Variants in H2BC11 observed in about 807,000 individuals in gnomAD.
The protein encoded by H2BC11 is H2B clustered histone 11.
Under a neutral mutation model 6.0 loss-of-function variants are expected in H2BC11, and 7 were observed. That is an observed-to-expected ratio of 1.16 (90% CI 0.66 to 2.19). The LOEUF is 2.19. Ranked by LOEUF, H2BC11 falls within the 30% of genes most tolerant of loss-of-function variation. The pLI is 0.00. For synonymous variants in H2BC11, 127 were observed against 72.0 expected, an observed-to-expected ratio of 1.77 and a Z score of -3.87; for missense variants, 215 against 170.3, an observed-to-expected ratio of 1.26 and a Z score of -1.46.
Position 27,132,773 on chromosome 6 carries a change from C to T in H2BC11, c.-23G>A, listed in dbSNP as rs1326375619. ...CATAGCACTGTGTAGCTATAAAGCG[C>T]CAACGAAAAGGAAAAACAGCGTGAG... is the stretch of plus-strand genomic sequence containing the variant. On this transcript the variant is annotated 5_prime_UTR_variant, in exon 1 of 1. Transcript: ENST00000339812. 3.8e-6 allele frequency: 6 copies of T among 1,595,480 alleles called. No homozygotes were observed. The highest frequency in any genetic ancestry group is 5.1e-6 in the Non-Finnish European group (6 of 1,174,156).
Position 27,132,792 on chromosome 6 carries a change from G to C in H2BC11, c.-42C>G, listed in dbSNP as rs764533372. ...AAAGCGCCAACGAAAAGGAAAAACA[G>C]CGTGAGCAGGGTATGACAAGGCGCT... is the stretch of plus-strand genomic sequence containing the variant. On this transcript the variant is annotated 5_prime_UTR_variant, in exon 1 of 1. Coordinates refer to ENST00000339812, the MANE Select transcript of H2BC11 (RefSeq NM_021058.4). The C allele has an allele frequency of 7.5e-6, 12 of 1,590,564 alleles. No individual in the cohort carries two copies. The South Asian group carries it at 1.1e-4, about 15-fold the overall frequency.
Position 27,132,581 on chromosome 6 carries a change from G to A in H2BC11, c.170C>T (p.Ser57Phe). The change falls in exon 1 of 1, where the codon TCC (serine) becomes TTC (phenylalanine). Residue 57 changes from serine to phenylalanine, a missense_variant. Physicochemically the swap from Ser to Phe is radical, Grantham distance 155 (BLOSUM62 -2). Transcript: ENST00000339812. ...KQVHPDTGISSKAMGIMNSFV... is the reference protein window; with the variant it reads ...KQVHPDTGISFKAMGIMNSFV... ...CGAATTCATGATGCCCATGGCCTTG[G>A]ACGAAATGCCGGTGTCAGGGTGGAC... 2 of 1,614,184 alleles carry A rather than the reference G, an allele frequency of 1.2e-6. No individual in the cohort carries two copies. Among genetic ancestry groups the A allele is most frequent in the Non-Finnish European group, 1.7e-6 (2 of 1,180,026 alleles).
rs1181447499 is a variant in H2BC11, at chr6:27,132,785, A to T, written c.-35T>A. 1 of 1,593,076 alleles carries T rather than the reference A, an allele frequency of 6.3e-7. No individual in the cohort carries two copies. The highest frequency in any genetic ancestry group is 8.5e-7 in the Non-Finnish European group (1 of 1,173,182). On this transcript the variant is annotated 5_prime_UTR_variant, in exon 1 of 1. Coordinates refer to ENST00000339812, the MANE Select transcript of H2BC11 (RefSeq NM_021058.4). The stretch of plus-strand genomic sequence containing the variant: ...TAGCTATAAAGCGCCAACGAAAAGG[A>T]AAAACAGCGTGAGCAGGGTATGACA...
At position 27,132,682 on chromosome 6, in the gene H2BC11, C is replaced by T. The variant is rs563862347; in HGVS notation, c.69G>A (p.Gln23=). 4 of 1,614,228 alleles carry T rather than the reference C, an allele frequency of 2.5e-6. No individual in the cohort carries two copies. The East Asian group carries it at 8.9e-5, about 36-fold the overall frequency. The change falls in exon 1 of 1, where the codon CAG becomes CAA. Residue 23 remains glutamine (Q), a synonymous_variant. Coordinates refer to ENST00000339812, the MANE Select transcript of H2BC11 (RefSeq NM_021058.4). ...KGSKKAVTKA[Q]KKDGKKRKRS... ...GCTTGCGCTTCTTGCCGTCTTTCTT[C>T]TGCGCCTTAGTCACCGCCTTCTTGG...
In H2BC11 at chr6:27,132,592, G is replaced by A. The variant is rs557357266; in HGVS notation, c.159C>T (p.Thr53=). Residue 53 remains threonine, a synonymous_variant, in exon 1 of 1, where the codon ACC becomes ACT. Transcript: ENST00000339812. ...TGCCCATGGCCTTGGACGAAATGCC[G>A]GTGTCAGGGTGGACCTGCTTCAGAA... ...YKVLKQVHPD[T]GISSKAMGIM... is the part of the protein sequence containing the mutation. 74 of 1,614,206 alleles carry A rather than the reference G, an allele frequency of 4.6e-5. No individual in the cohort carries two copies. In the South Asian group the frequency reaches 7.6e-4, roughly 17 times the overall value.
In H2BC11 at chr6:27,132,599, G is replaced by T; in HGVS notation, c.152C>A (p.Pro51His). 1 of 1,614,216 alleles carries T rather than the reference G, an allele frequency of 6.2e-7. No homozygotes were observed. ...YVYKVLKQVH[P>H]DTGISSKAMG... ...GGCCTTGGACGAAATGCCGGTGTCA[G>T]GGTGGACCTGCTTCAGAACCTTGTA... Residue 51 changes from proline (P) to histidine (H), a missense_variant, in exon 1 of 1, where the codon CCT becomes CAT. Pro to His is a moderately conservative substitution (Grantham distance 77). Coordinates refer to ENST00000339812, the MANE Select transcript of H2BC11 (RefSeq NM_021058.4).
chr6:27,132,336 C>A lies in H2BC11; in HGVS notation c.*34G>T. The A allele has an allele frequency of 6.2e-7, 1 of 1,612,516 alleles. No individual in the cohort carries two copies. The highest frequency in any genetic ancestry group is 1.1e-5 in the South Asian group (1 of 90,980). On this transcript the variant is annotated 3_prime_UTR_variant, in exon 1 of 1. Transcript: ENST00000339812. The stretch of plus-strand genomic sequence containing the variant: ...GAACATGGGTGGCTCTTAAAAGAGC[C>A]GTTAGGGTTGAGAGTTTGCAACCAA...
Position 27,132,702 on chromosome 6 carries a change from T to C in H2BC11, c.49A>G (p.Lys17Glu). ...SAPAPKKGSK[K>E]AVTKAQKKDG... is the part of the protein sequence containing the mutation. Reference sequence around the variant, plus strand: ...TTCTTCTGCGCCTTAGTCACCGCCTTCTTGGAGCCCTTTTTCGGGGCGGGA... The same window carrying C: ...TTCTTCTGCGCCTTAGTCACCGCCTCCTTGGAGCCCTTTTTCGGGGCGGGA... Residue 17 changes from lysine to glutamate, a missense_variant, in exon 1 of 1, where the codon AAG becomes GAG. Physicochemically the swap from Lys to Glu is moderately conservative, Grantham distance 56. Transcript: ENST00000339812. 6.2e-7 allele frequency: 1 copy of C among 1,614,194 alleles called. No homozygotes were observed. The highest frequency in any genetic ancestry group is 8.5e-7 in the Non-Finnish European group (1 of 1,180,042).
rs1174704687 is a variant in H2BC11 at position 27,132,598 on chromosome 6, A to T, written c.153T>A (p.Pro51=). Reference sequence around the variant, plus strand: ...TGGCCTTGGACGAAATGCCGGTGTCAGGGTGGACCTGCTTCAGAACCTTGT... The same window carrying T: ...TGGCCTTGGACGAAATGCCGGTGTCTGGGTGGACCTGCTTCAGAACCTTGT... ...YVYKVLKQVH[P]DTGISSKAMG... Residue 51 remains proline (P), a synonymous_variant, in exon 1 of 1, where the codon CCT becomes CCA. Coordinates refer to ENST00000339812, the MANE Select transcript of H2BC11 (RefSeq NM_021058.4). The T allele has an allele frequency of 2.7e-5, 43 of 1,614,080 alleles. No individual in the cohort carries two copies. Among genetic ancestry groups the T allele is most frequent in the Non-Finnish European group, 3.6e-5 (43 of 1,180,042 alleles).
rs771575424 is a variant in H2BC11 at position 27,132,471 on chromosome 6, C to G, written c.280G>C (p.Glu94Gln). The G allele has an allele frequency of 6.2e-7, 1 of 1,614,258 alleles. No homozygotes were observed. Residue 94 changes from glutamate (E) to glutamine (Q), a missense_variant, in exon 1 of 1, where the codon GAG becomes CAG. Coordinates refer to ENST00000339812, the MANE Select transcript of H2BC11 (RefSeq NM_021058.4). Reference sequence around the variant, plus strand: ...AGCAGGCGCACGGCCGTCTGGATCTCCCTGGAGGTGATGGTCGAGCGCTTG... The same window carrying G: ...AGCAGGCGCACGGCCGTCTGGATCTGCCTGGAGGTGATGGTCGAGCGCTTG... ...YNKRSTITSR[E>Q]IQTAVRLLLP...
chr6:27,132,503 T>G lies in H2BC11; in HGVS notation c.248A>C (p.His83Pro). Reference protein sequence around the residue: ...RIAGEASRLAHYNKRSTITSR... With the variant: ...RIAGEASRLAPYNKRSTITSR... The stretch of plus-strand genomic sequence containing the variant: ...GGTGATGGTCGAGCGCTTGTTGTAA[T>G]GCGCCAGGCGGGAAGCCTCACCTGC... The change falls in exon 1 of 1, where the codon CAT becomes CCT. Residue 83 changes from histidine (H) to proline (P), a missense_variant. Physicochemically the swap from His to Pro is moderately conservative, Grantham distance 77. Transcript: ENST00000339812. 6.2e-7 allele frequency: 1 copy of G among 1,614,250 alleles called. No individual in the cohort carries two copies. The highest frequency in any genetic ancestry group is 8.5e-7 in the Non-Finnish European group (1 of 1,180,052).
rs201335271 is a variant in H2BC11, at chr6:27,132,712, C to G, written c.39G>C (p.Lys13Asn). The G allele has an allele frequency of 2.5e-6, 4 of 1,614,146 alleles. No individual in the cohort carries two copies. The highest frequency in any genetic ancestry group is 1.1e-5 in the South Asian group (1 of 91,082). Residue 13 changes from lysine (K) to asparagine (N), a missense_variant, in exon 1 of 1, where the codon AAG becomes AAC. By Grantham distance (94) the Lys-to-Asn change is moderately conservative. Transcript: ENST00000339812. Reference sequence around the variant, plus strand: ...CCTTAGTCACCGCCTTCTTGGAGCCCTTTTTCGGGGCGGGAGCAGACTTCG... The same window carrying G: ...CCTTAGTCACCGCCTTCTTGGAGCCGTTTTTCGGGGCGGGAGCAGACTTCG... ...EPAKSAPAPK[K>N]GSKKAVTKAQ...
chr6:27,132,783 G>A lies in H2BC11; in HGVS notation c.-33C>T, dbSNP rs1269254555. On this transcript the variant is annotated 5_prime_UTR_variant, in exon 1 of 1. Coordinates refer to ENST00000339812, the MANE Select transcript of H2BC11 (RefSeq NM_021058.4). ...TGTAGCTATAAAGCGCCAACGAAAA[G>A]GAAAAACAGCGTGAGCAGGGTATGA... The A allele has an allele frequency of 1.1e-5, 18 of 1,591,436 alleles. No individual in the cohort carries two copies. Among genetic ancestry groups the A allele is most frequent in the Admixed American group, 3.8e-5 (2 of 52,810 alleles).
Position 27,132,699 on chromosome 6 carries a change from C to A in H2BC11, c.52G>T (p.Ala18Ser). The A allele has an allele frequency of 6.2e-7, 1 of 1,614,206 alleles. No homozygotes were observed. Among genetic ancestry groups the A allele is most frequent in the Non-Finnish European group, 8.5e-7 (1 of 1,180,046 alleles). The change falls in exon 1 of 1, where the codon GCG becomes TCG. Residue 18 changes from alanine (A) to serine (S), a missense_variant. By Grantham distance (99) the Ala-to-Ser change is moderately conservative. Transcript: ENST00000339812. ...TCTTTCTTCTGCGCCTTAGTCACCGCCTTCTTGGAGCCCTTTTTCGGGGCG... is the reference window on the plus strand; with the variant it reads ...TCTTTCTTCTGCGCCTTAGTCACCGACTTCTTGGAGCCCTTTTTCGGGGCG... ...APAPKKGSKK[A>S]VTKAQKKDGK...
At position 27,132,795 on chromosome 6, in the gene H2BC11, T is replaced by A. The variant is rs1759864531; in HGVS notation, c.-45A>T. On this transcript the variant is annotated 5_prime_UTR_variant, in exon 1 of 1. Coordinates refer to ENST00000339812, the MANE Select transcript of H2BC11 (RefSeq NM_021058.4). ...GCGCCAACGAAAAGGAAAAACAGCG[T>A]GAGCAGGGTATGACAAGGCGCTTTT... 1 of 1,588,360 alleles carries A rather than the reference T, an allele frequency of 6.3e-7. No individual in the cohort carries two copies. The highest frequency in any genetic ancestry group is 1.9e-5 in the Admixed American group (1 of 52,616).
In H2BC11 at chr6:27,132,494, T is replaced by TA. The variant is rs770658791; in HGVS notation, c.256_257insT (p.Lys86IlefsTer32). The TA allele has an allele frequency of 4.3e-6, 7 of 1,614,226 alleles. No individual in the cohort carries two copies. The highest frequency in any genetic ancestry group is 1.1e-5 in the South Asian group (1 of 91,080). On this transcript the variant is annotated frameshift_variant, in exon 1 of 1. Transcript: ENST00000339812. LOFTEE classifies it high-confidence loss of function. Reference sequence around the variant, plus strand: ...CTCCCTGGAGGTGATGGTCGAGCGCTTGTTGTAATGCGCCAGGCGGGAAGC... The same window carrying TA: ...CTCCCTGGAGGTGATGGTCGAGCGCTATGTTGTAATGCGCCAGGCGGGAAGC...
rs1447062232 is a variant in H2BC11 at position 27,132,347 on chromosome 6, A to C, written c.*23T>G. Reference sequence around the variant, plus strand: ...GCTCTTAAAAGAGCCGTTAGGGTTGAGAGTTTGCAACCAACTCACTGTTTA... The same window carrying C: ...GCTCTTAAAAGAGCCGTTAGGGTTGCGAGTTTGCAACCAACTCACTGTTTA... On this transcript the variant is annotated 3_prime_UTR_variant, in exon 1 of 1. Coordinates refer to ENST00000339812, the MANE Select transcript of H2BC11 (RefSeq NM_021058.4). 1 of 1,613,760 alleles carries C rather than the reference A, an allele frequency of 6.2e-7. No individual in the cohort carries two copies. The highest frequency in any genetic ancestry group is 1.1e-5 in the South Asian group (1 of 91,066).
rs1369577809 is a variant in H2BC11 at position 27,132,683 on chromosome 6, T to G, written c.68A>C (p.Gln23Pro). ...CTTGCGCTTCTTGCCGTCTTTCTTC[T>G]GCGCCTTAGTCACCGCCTTCTTGGA... ...KGSKKAVTKA[Q>P]KKDGKKRKRS... Residue 23 changes from glutamine to proline, a missense_variant, in exon 1 of 1, where the codon CAG (glutamine) becomes CCG (proline). Physicochemically the swap from Gln to Pro is moderately conservative, Grantham distance 76. Coordinates refer to ENST00000339812, the MANE Select transcript of H2BC11 (RefSeq NM_021058.4). 1.2e-6 allele frequency: 2 copies of G among 1,614,258 alleles called. No individual in the cohort carries two copies. Among genetic ancestry groups the G allele is most frequent in the Admixed American group, 1.7e-5 (1 of 60,026 alleles).
In H2BC11 at chr6:27,132,736, C is replaced by T. The variant is rs778052406; in HGVS notation, c.15G>A (p.Ala5=). The T allele has an allele frequency of 1.2e-6, 2 of 1,613,956 alleles. No individual in the cohort carries two copies. Among genetic ancestry groups the T allele is most frequent in the African/African-American group, 2.7e-5 (2 of 74,884 alleles). The change falls in exon 1 of 1, where the codon GCG becomes GCA. Residue 5 remains alanine, a synonymous_variant. Transcript: ENST00000339812. MPEP[A]KSAPAPKKGS... is the part of the protein sequence containing the mutation. The stretch of plus-strand genomic sequence containing the variant: ...CCTTTTTCGGGGCGGGAGCAGACTT[C>T]GCTGGCTCTGGCATAGCACTGTGTA...
Sources: gnomAD v4.1 joint callset for allele counts on GRCh38, gnomAD v4.1.1 for gene constraint, MANE v1.5 for transcripts, NCBI Gene and HGNC (gene_info 2026-07-23, HGNC 2026-07-21) for gene names.